Variants in CSNK2A1 observed in about 807,000 individuals in gnomAD.
The protein encoded by CSNK2A1 is casein kinase II subunit alpha.
Under a neutral mutation model 62.9 loss-of-function variants are expected in CSNK2A1, and 10 were observed. The ratio of observed to expected loss-of-function variants is 0.16; its 90% CI spans 0.10 to 0.27. The LOEUF (loss-of-function observed/expected upper bound fraction) is 0.27. Among genes scored for constraint, CSNK2A1 ranks in the 10% least tolerant of loss-of-function variants. The pLI, the probability that CSNK2A1 is intolerant of heterozygous loss-of-function variation, is 1.00. For synonymous variants in CSNK2A1, 124 were observed against 167.8 expected (o/e 0.74, Z 2.02); for missense variants, 160 against 492.0 (o/e 0.33, Z 6.38).
intron 2 of CSNK2A1, among the ~76,000 whole-genome samples, chr20:511,703 TACACACACAC>T (rs61288887): frequency 2.7e-5 from 4 of 150,920 alleles, no homozygotes; most frequent in Non-Finnish European, 4.4e-5. Context: ...TGTATATATA[TACACACACAC>T]ACACACACAC....
chr20:525,836 TA>T (rs397864425), intron 2 of CSNK2A1, among the ~76,000 whole-genome samples: 10,678 of 71,058 alleles, frequency 0.15, 709 homozygotes, highest in African/African-American at 0.26. Context: ...TTAAAACTAT[TA>T]AAAAAAAAAA....
At chr20:537,810 C>A (rs1336587844) in intron 1 of CSNK2A1, among the ~76,000 whole-genome samples, 1 of 152,184 alleles carries the variant, frequency 6.6e-6, no homozygotes, top group Non-Finnish European at 1.5e-5. Flanking sequence ...CATTTCAAAT[C>A]AAGTATCACA....
chr20:497,005 T>C (rs565590874), intron 7 of CSNK2A1, among the ~76,000 whole-genome samples: 3 of 152,246 alleles, frequency 2.0e-5, no homozygotes, highest in East Asian at 1.9e-4. Context: ...TTAACTTACA[T>C]AGGGGCCACA....
chr20:518,844 C>T lies in CSNK2A1; in HGVS notation c.-110+9089G>A, dbSNP rs184988809. ...TGCTGGGATTACAGGTGTGAGCCACCGCACCCAGCCAATTATTTATTTTTA... is the reference window on the plus strand; with the variant it reads ...TGCTGGGATTACAGGTGTGAGCCACTGCACCCAGCCAATTATTTATTTTTA... On this transcript the variant is annotated intron_variant, in intron 2 of 13. Coordinates refer to ENST00000217244, the MANE Select transcript of CSNK2A1 (RefSeq NM_177559.3). 2.4e-3 allele frequency among the ~76,000 whole-genome samples: 362 copies of T among 151,606 alleles called. 2 individuals carry two copies. Among genetic ancestry groups the T allele is most frequent in the East Asian group, 0.017 (87 of 5,166 alleles).
rs2018008504 is a variant in CSNK2A1 at position 483,921 on chromosome 20, C to A, written c.*40G>T. On this transcript the variant is annotated 3_prime_UTR_variant, in exon 14 of 14. Transcript: ENST00000217244. ...AGCTGCATCAAGGAGAGGGTGGACT[C>A]CCCCACCTCTGCTCAGGCATCAGGA... 1 of 1,585,616 alleles carries A rather than the reference C, an allele frequency of 6.3e-7. No homozygotes were observed. Among genetic ancestry groups the A allele is most frequent in the African/African-American group, 1.4e-5 (1 of 73,210 alleles).
Position 527,981 on chromosome 20 carries a change from A to G in CSNK2A1, c.-158T>C, listed in dbSNP as rs1297691765. ...TATGGGTGAATGATGTTTCTTGGAG[A>G]TTTTATGAGGTTCCACGCTGCATGA... On this transcript the variant is annotated 5_prime_UTR_variant, in exon 2 of 14. Transcript: ENST00000217244. 6.6e-6 allele frequency: 1 copy of G among 152,162 alleles called. No individual in the cohort carries two copies. The highest frequency in any genetic ancestry group is 2.4e-5 in the African/African-American group (1 of 41,432). 9.4% of individuals were successfully genotyped at this position (152,162 alleles called of 1,614,324 possible).
chr20:490,433 C>CA (rs920361798), intron 9 of CSNK2A1, among the ~76,000 whole-genome samples: 4 of 112,726 alleles, frequency 3.5e-5, no homozygotes, highest in African/African-American at 1.4e-4. Flanking sequence ...TTTTTTGAGA[C>CA]AGAGTCTTGC....
intron 8 of CSNK2A1, among the ~76,000 whole-genome samples, chr20:493,131 C>A (rs1361872798): frequency 6.6e-6 from 1 of 152,194 alleles, no homozygotes; most frequent in Non-Finnish European, 1.5e-5. Context: ...ACTCAGTCTC[C>A]CCCTGTTCGG....
rs2017835514 is a variant in CSNK2A1, at chr20:475,669, T to C, written c.*8292A>G. The C allele has an allele frequency of 7.4e-6, 1 of 134,536 alleles. No homozygotes were observed. Among genetic ancestry groups the C allele is most frequent in the Admixed American group, 7.5e-5 (1 of 13,332 alleles). 8.3% of individuals were successfully genotyped at this position (134,536 alleles called of 1,614,324 possible). A position where few individuals can be genotyped will look rare whatever the true frequency, so the allele number is the denominator to read the frequency against. ...CTCATAAAGTTTTCCCAACACAGGC[T>C]CTATGCTTCCCTACTGCACTGATGT... On this transcript the variant is annotated 3_prime_UTR_variant, in exon 14 of 14. Coordinates refer to ENST00000217244, the MANE Select transcript of CSNK2A1 (RefSeq NM_177559.3).
chr20:497,975 G>T (rs2018379507), intron 6 of CSNK2A1, 195 bp from the exon 7 acceptor site: 2 of 520,244 alleles, frequency 3.8e-6, no homozygotes, highest in Non-Finnish European at 6.9e-6. Flanking sequence ...TAAAAATGAA[G>T]AATTACTTAA....
At chr20:514,082 T>C (rs2018780311) in intron 2 of CSNK2A1, among the ~76,000 whole-genome samples, 1 of 151,982 alleles carries the variant, frequency 6.6e-6, no homozygotes, top group Non-Finnish European at 1.5e-5. Flanking sequence ...TGAAGCCCAG[T>C]GTGGTGGCTC....
intron 8 of CSNK2A1, chr20:494,828 G>C (rs1295117246): frequency 6.6e-6 from 1 of 152,148 alleles, no homozygotes; most frequent in Non-Finnish European, 1.5e-5. Context: ...CTTACCTGAA[G>C]GGCTTTTGTA....
At chr20:517,099 GACAA>G (rs2018843387) in intron 2 of CSNK2A1, among the ~76,000 whole-genome samples, 1 of 152,214 alleles carries the variant, frequency 6.6e-6, no homozygotes, top group African/African-American at 2.4e-5. Flanking sequence ...ACTGGTAAGA[GACAA>G]ACAAGACTTG....
rs977347470 is a variant in CSNK2A1, at chr20:538,610, G to C, written c.-227+5062C>G. ...AAAGCTAGAAACTCCATTCTGTAGT[G>C]ATGATTCCCAGATCTGACTCTTAAA... On this transcript the variant is annotated intron_variant, in intron 1 of 13. Transcript: ENST00000217244. Among the ~76,000 whole-genome samples, 3 of 152,338 alleles carry C rather than the reference G, an allele frequency of 2.0e-5. No individual in the cohort carries two copies. In the East Asian group the frequency reaches 5.8e-4, roughly 29 times the overall value.
At chr20:504,971 T>TG (rs1245339782) in intron 4 of CSNK2A1, 147 bp downstream of exon 4, 2 of 643,822 alleles carry the variant, frequency 3.1e-6, no homozygotes, top group African/African-American at 3.7e-5. Flanking sequence ...AAGCAGAACT[T>TG]GTTCTATTGA....
At chr20:512,938 A>G (rs1376677235) in intron 2 of CSNK2A1, among the ~76,000 whole-genome samples, 1 of 152,128 alleles carries the variant, frequency 6.6e-6, no homozygotes, top group Non-Finnish European at 1.5e-5. Flanking sequence ...TTCTTCCCAA[A>G]GAAATAAGGT....
chr20:537,028 G>C (rs912021738), intron 1 of CSNK2A1, among the ~76,000 whole-genome samples: 2 of 152,118 alleles, frequency 1.3e-5, no homozygotes, highest in African/African-American at 4.8e-5. Context: ...ACATTGATGA[G>C]ATAGCTAAAC....
At chr20:532,717 C>G in intron 1 of CSNK2A1, among the ~76,000 whole-genome samples, 1 of 151,868 alleles carries the variant, frequency 6.6e-6, no homozygotes, top group Non-Finnish European at 1.5e-5. Flanking sequence ...TAGTCAAAAT[C>G]CATGCAGCAG....
chr20:489,716 C>T (rs925303759), intron 10 of CSNK2A1, 64 bp downstream of exon 10: 2 of 1,331,650 alleles, frequency 1.5e-6, no homozygotes, highest in Non-Finnish European at 2.1e-6. Context: ...CTGAAAGTTA[C>T]AGGCAGTGCT....
Sources: allele counts gnomAD v4.1 joint callset (sites outside exome capture counted in the v4.1 genomes callset), GRCh38; gene constraint gnomAD v4.1.1; transcripts MANE v1.5; gene names NCBI Gene and HGNC (gene_info 2026-07-23, HGNC 2026-07-21).